ADGRG3: variants seen among roughly 807,000 people sequenced by gnomAD.
ADGRG3 encodes adhesion G protein-coupled receptor G3.
Under a neutral mutation model 54.3 loss-of-function variants are expected in ADGRG3, and 39 were observed. The ratio of observed to expected loss-of-function variants is 0.72; its 90% CI spans 0.56 to 0.94. The LOEUF (loss-of-function observed/expected upper bound fraction) is 0.94. ADGRG3 is among the 40% of genes least tolerant of loss of function. The pLI is 0.00. For missense variants in ADGRG3, 654 were observed against 694.6 expected (o/e 0.94, Z 0.66); for synonymous variants, 312 against 290.0 (o/e 1.08, Z -0.77).
intron 2 of ADGRG3, among the ~76,000 whole-genome samples, 159 bp downstream of exon 2, chr16:57,673,627 C>G (rs755858753): frequency 2.0e-5 from 3 of 152,164 alleles, no homozygotes; most frequent in Admixed American, 6.5e-5. Flanking sequence ...CCCAACATCC[C>G]CATTCTAGCA....
At chr16:57,676,134 G>C (rs2048258617) in intron 2 of ADGRG3, 66 bp from the exon 3 acceptor site, 1 of 1,482,198 alleles carries the variant, frequency 6.7e-7, no homozygotes, top group Non-Finnish European at 9.4e-7. Flanking sequence ...CTCACCCCAG[G>C]AGCCTGATGA....
At chr16:57,668,204 G>A (rs2048086209), upstream of ADGRG3, 3 of 654,330 alleles carry the variant, frequency 4.6e-6, no homozygotes, top group Non-Finnish European at 7.9e-6. Context: ...AACCAATGGC[G>A]CCATCGAGCA....
intron 2 of ADGRG3, among the ~76,000 whole-genome samples, chr16:57,675,849 TG>T (rs2048252928): frequency 6.6e-6 from 1 of 152,048 alleles, no homozygotes; most frequent in African/African-American, 2.4e-5. Context: ...GGGTTTCCTT[TG>T]GGGTGATGAA....
intron 8 of ADGRG3, among the ~76,000 whole-genome samples, chr16:57,681,391 C>T (rs1267920509): frequency 2.0e-5 from 3 of 150,216 alleles, no homozygotes; most frequent in African/African-American, 5.0e-5. Context: ...CGTGCGTGCG[C>T]GCAGGACATA....
chr16:57,688,239 C>A (rs2048512709), intron 11 of ADGRG3, 113 bp from the exon 12 acceptor site: 3 of 711,442 alleles, frequency 4.2e-6, no homozygotes, highest in South Asian at 1.5e-5. Flanking sequence ...CCTTTCCCAG[C>A]AGTTCTTGAG....
chr16:57,666,014 G>T (rs1295528553), upstream of ADGRG3, among the ~76,000 whole-genome samples: 12 of 151,844 alleles, frequency 7.9e-5, no homozygotes, highest in African/African-American at 2.9e-4. Context: ...GCAGGTGGGG[G>T]GCTCCTCTTA....
intron 3 of ADGRG3, 74 bp downstream of exon 3, chr16:57,676,412 G>A: frequency 7.0e-7 from 1 of 1,434,956 alleles, no homozygotes; most frequent in South Asian, 1.2e-5. Context: ...AACTCTAAGA[G>A]AGTTATATCC....
intron 11 of ADGRG3, 155 bp downstream of exon 11, chr16:57,686,081 G>A: frequency 1.3e-6 from 1 of 769,354 alleles, no homozygotes; most frequent in South Asian, 1.7e-5. Context: ...AAGGATCCAG[G>A]GCAGCAAAGT....
Position 57,681,745 on chromosome 16 carries a change from A to AAGAG in ADGRG3, c.881+1142_881+1145dup, listed in dbSNP as rs57063207. On this transcript the variant is annotated intron_variant, in intron 8 of 11. Coordinates refer to ENST00000333493, the MANE Select transcript of ADGRG3 (RefSeq NM_170776.5). ...CCGTCTCAAAAAAAAAAAAAAAAAA[A>AAGAG]AGAGAGAGAGAGAGAGAAAGAAAAT... 3.1e-5 allele frequency among the ~76,000 whole-genome samples: 4 copies of AAGAG among 128,560 alleles called. No individual in the cohort carries two copies. The East Asian group carries it at 8.9e-4, about 29-fold the overall frequency. 84.3% of individuals were successfully genotyped at this position (128,560 alleles called of 152,430 possible).
Position 57,684,101 on chromosome 16 carries a change from T to C in ADGRG3, c.1051T>C (p.Cys351Arg). 1 of 1,614,120 alleles carries C rather than the reference T, an allele frequency of 6.2e-7. No homozygotes were observed. The highest frequency in any genetic ancestry group is 8.5e-7 in the Non-Finnish European group (1 of 1,179,992). The change falls in exon 9 of 12, where the codon TGT (cysteine) becomes CGT (arginine). Residue 351 changes from cysteine (C) to arginine (R), a missense_variant. Physicochemically the swap from Cys to Arg is radical, Grantham distance 180. Coordinates refer to ENST00000333493, the MANE Select transcript of ADGRG3 (RefSeq NM_170776.5). The part of the protein sequence containing the change: ...RGAVFHYFLL[C>R]AFTWMGLEAF... ...GGCTGTCTTCCACTACTTCCTGCTC[T>C]GTGCCTTCACCTGGATGGGCCTTGA...
chr16:57,678,493 G>GAC, intron 4 of ADGRG3, 177 bp downstream of exon 4: 1 of 617,290 alleles, frequency 1.6e-6, no homozygotes, highest in Non-Finnish European at 2.9e-6. Flanking sequence ...AGAGTCTATG[G>GAC]TCTTCAGACT....
chr16:57,685,253 C>T (rs113578971), intron 10 of ADGRG3, among the ~76,000 whole-genome samples: 17 of 152,280 alleles, frequency 1.1e-4, no homozygotes, highest in Non-Finnish European at 2.4e-4. Context: ...GGGACTGCAG[C>T]GGACTGGCAG....
intron 1 of ADGRG3, among the ~76,000 whole-genome samples, chr16:57,668,864 A>T (rs890893579): frequency 5.3e-5 from 8 of 151,730 alleles, no homozygotes; most frequent in Admixed American, 3.3e-4. Flanking sequence ...CGCACATGTC[A>T]CCCCACACCG....
At chr16:57,679,117 C>A in intron 4 of ADGRG3, 60 bp from the exon 5 acceptor site, 3 of 1,598,412 alleles carry the variant, frequency 1.9e-6, no homozygotes, top group South Asian at 1.1e-5. Context: ...GGAACCCCAG[C>A]GTTGGTGGGT....
At chr16:57,683,117 T>C (rs1358605961) in intron 8 of ADGRG3, among the ~76,000 whole-genome samples, 1 of 152,186 alleles carries the variant, frequency 6.6e-6, no homozygotes, top group African/African-American at 2.4e-5. Context: ...TGGGAGGAGC[T>C]GGGGAGCAGG....
At position 57,684,220 on chromosome 16, in the gene ADGRG3, C is replaced by G; in HGVS notation, c.1162+8C>G. Reference sequence around the variant, plus strand: ...TGAGCCTGGTGGGCTGGGGTAGGTGCTGCCTGGATGGACAGAATAAACGGC... The same window carrying G: ...TGAGCCTGGTGGGCTGGGGTAGGTGGTGCCTGGATGGACAGAATAAACGGC... On this transcript the variant is annotated splice_region_variant and intron_variant, in intron 9 of 11. Coordinates refer to ENST00000333493, the MANE Select transcript of ADGRG3 (RefSeq NM_170776.5). 1 of 1,609,704 alleles carries G rather than the reference C, an allele frequency of 6.2e-7. No individual in the cohort carries two copies. Among genetic ancestry groups the G allele is most frequent in the Non-Finnish European group, 8.5e-7 (1 of 1,177,344 alleles).
Position 57,685,731 on chromosome 16 carries a change from G to T in ADGRG3, c.1345G>T (p.Val449Phe), listed in dbSNP as rs1567862340. ...CATCACCTTCCTCTTTGGCATGGTGGTCCTGGCCCTGGTGGTCTGGAAGAT... is the reference window on the plus strand; with the variant it reads ...CATCACCTTCCTCTTTGGCATGGTGTTCCTGGCCCTGGTGGTCTGGAAGAT... The part of the protein sequence containing the change: ...FLITFLFGMV[V>F]LALVVWKIFT... The change falls in exon 11 of 12, where the codon GTC becomes TTC. Residue 449 changes from valine to phenylalanine, a missense_variant. Coordinates refer to ENST00000333493, the MANE Select transcript of ADGRG3 (RefSeq NM_170776.5). The T allele has an allele frequency of 3.1e-6, 5 of 1,614,116 alleles. No individual in the cohort carries two copies. The highest frequency in any genetic ancestry group is 4.2e-6 in the Non-Finnish European group (5 of 1,179,996).
At chr16:57,673,561 G>T in intron 2 of ADGRG3, 93 bp downstream of exon 2, 1 of 1,234,732 alleles carries the variant, frequency 8.1e-7, no homozygotes, top group Non-Finnish European at 1.1e-6. Context: ...CATGGCCCCA[G>T]AAAATGTTGC....
intron 8 of ADGRG3, chr16:57,681,020 C>CGAGATCT: frequency 5.0e-6 from 1 of 200,634 alleles, no homozygotes; most frequent in Admixed American, 5.2e-5. Flanking sequence ...GCAGCTTTAC[C>CGAGATCT]ACCCTCAGGG....
Sources: allele counts gnomAD v4.1 joint callset (sites outside exome capture counted in the v4.1 genomes callset), GRCh38; gene constraint gnomAD v4.1.1; transcripts MANE v1.5; gene names NCBI Gene and HGNC (gene_info 2026-07-23, HGNC 2026-07-21).